Variants in ZC3H13 observed in about 807,000 individuals in gnomAD.
ZC3H13 encodes the protein zinc finger CCCH-type containing 13.
ZC3H13 carries 64 observed loss-of-function variants against 204.1 expected under a neutral mutation model. The observed-to-expected ratio is 0.31, with a 90% CI of 0.26 to 0.39. The LOEUF (loss-of-function observed/expected upper bound fraction) is 0.39, where lower values mean the gene tolerates loss of function less well. Among genes scored for constraint, ZC3H13 ranks in the 10% least tolerant of loss-of-function variants. ZC3H13 has a pLI of 1.00. For synonymous variants in ZC3H13, 667 were observed against 693.7 expected (o/e 0.96, Z 0.60); for missense variants, 1,833 against 2,082.7 (o/e 0.88, Z 2.33).
chr13:45,984,103 GA>G (rs1953954724), intron 10 of ZC3H13, among the ~76,000 whole-genome samples: 1 of 152,188 alleles, frequency 6.6e-6, no homozygotes, highest in Non-Finnish European at 1.5e-5. Flanking sequence ...ACCAAAAGAA[GA>G]AAATAGCTGT....
intron 4 of ZC3H13, among the ~76,000 whole-genome samples, chr13:46,035,793 T>C (rs2043173563): frequency 6.6e-6 from 1 of 152,214 alleles, no homozygotes; most frequent in Non-Finnish European, 1.5e-5. Context: ...GGCAGGTACA[T>C]CTATCCTACA....
chr13:45,956,151 T>A lies in ZC3H13; in HGVS notation c.*976A>T, dbSNP rs559318939. 6.4e-4 allele frequency: 97 copies of A among 152,302 alleles called. No homozygotes were observed. Among genetic ancestry groups the A allele is most frequent in the African/African-American group, 2.0e-3 (85 of 41,588 alleles). 9.4% of individuals were successfully genotyped at this position (152,302 alleles called of 1,614,324 possible). ...TAGTACAGCTGGAGGCAGTTTAATATAATCAAAAGTTATAGCTCTAAAAAA... is the reference window on the plus strand; with the variant it reads ...TAGTACAGCTGGAGGCAGTTTAATAAAATCAAAAGTTATAGCTCTAAAAAA... On this transcript the variant is annotated 3_prime_UTR_variant, in exon 19 of 19. Coordinates refer to ENST00000679008, the MANE Select transcript of ZC3H13 (RefSeq NM_001330564.2).
intron 17 of ZC3H13, chr13:45,963,086 C>T: frequency 2.0e-6 from 2 of 981,592 alleles, no homozygotes; most frequent in Non-Finnish European, 2.4e-6. Context: ...AAGTGTTTTG[C>T]CTGTAATAAC....
chr13:46,010,720 A>G (rs1464812069), intron 6 of ZC3H13, among the ~76,000 whole-genome samples: 1 of 151,768 alleles, frequency 6.6e-6, no homozygotes, highest in Non-Finnish European at 1.5e-5. Flanking sequence ...ACATAAAAAA[A>G]ACCCTATCTC....
chr13:45,962,169 C>A, intron 17 of ZC3H13: 1 of 985,226 alleles, frequency 1.0e-6, no homozygotes, highest in Non-Finnish European at 1.2e-6. Context: ...GATAATTAGA[C>A]CTTGGATATG....
chr13:45,956,162 T>TA lies in ZC3H13; in HGVS notation c.*964dup, dbSNP rs1182969706. The stretch of plus-strand genomic sequence containing the variant: ...GAGGCAGTTTAATATAATCAAAAGT[T>TA]ATAGCTCTAAAAAATATGATAGTAG... On this transcript the variant is annotated 3_prime_UTR_variant, in exon 19 of 19. Transcript: ENST00000679008. 3.9e-5 allele frequency: 6 copies of TA among 152,298 alleles called. No individual in the cohort carries two copies. The highest frequency in any genetic ancestry group is 3.9e-4 in the Admixed American group (6 of 15,290). The allele number at this position is 152,298 out of a possible 1,614,324, so 9.4% of individuals were successfully genotyped here. A position where few individuals can be genotyped will look rare whatever the true frequency, so the allele number is the denominator to read the frequency against.
intron 4 of ZC3H13, among the ~76,000 whole-genome samples, chr13:46,040,437 T>G (rs749586027): frequency 3.3e-5 from 5 of 152,094 alleles, no homozygotes; most frequent in East Asian, 3.8e-4. Context: ...AAATAAAAAT[T>G]AGCTCAAAAT....
At chr13:45,993,676 T>C (rs1167023512) in intron 8 of ZC3H13, among the ~76,000 whole-genome samples, 2 of 152,166 alleles carry the variant, frequency 1.3e-5, no homozygotes, top group Admixed American at 6.5e-5. Flanking sequence ...TAAATAAACC[T>C]GTAAGATGAA....
intron 15 of ZC3H13, among the ~76,000 whole-genome samples, chr13:45,967,092 T>C (rs1952153793): frequency 6.6e-6 from 1 of 152,194 alleles, no homozygotes; most frequent in Non-Finnish European, 1.5e-5. Flanking sequence ...GTTTCATATA[T>C]TTGTTCTCAA....
intron 17 of ZC3H13, chr13:45,963,265 C>T: frequency 1.0e-6 from 1 of 985,960 alleles, no homozygotes; most frequent in Non-Finnish European, 1.2e-6. Flanking sequence ...AAAGACTCAA[C>T]CTACACACCT....
chr13:45,957,389 T>A, intron 18 of ZC3H13, 92 bp from the exon 19 acceptor site: 8 of 1,139,150 alleles, frequency 7.0e-6, no homozygotes, highest in Non-Finnish European at 9.1e-6. Context: ...AATATCAAAG[T>A]TATAAGAGTA....
intron 12 of ZC3H13, among the ~76,000 whole-genome samples, chr13:45,971,164 T>A (rs1438517061): frequency 6.6e-6 from 1 of 152,250 alleles, no homozygotes; most frequent in Non-Finnish European, 1.5e-5. Flanking sequence ...ACGTTCATTA[T>A]ATTTTTTGTT....
rs541767745 is a variant in ZC3H13 at position 45,957,584 on chromosome 13, A to G, written c.4840-287T>C. Among the ~76,000 whole-genome samples the G allele has an allele frequency of 5.9e-5, 9 of 152,304 alleles. No homozygotes were observed. The East Asian group carries it at 7.7e-4, about 13-fold the overall frequency. On this transcript the variant is annotated intron_variant, in intron 18 of 18. Transcript: ENST00000679008. ...ACCGGTTTTTACTTTATCATTTCCA[A>G]TGACAAAACAAACAAAAAACACACT...
chr13:45,975,779 C>T lies in ZC3H13; in HGVS notation c.1972G>A (p.Glu658Lys). The T allele has an allele frequency of 1.2e-6, 2 of 1,613,986 alleles. No individual in the cohort carries two copies. The highest frequency in any genetic ancestry group is 1.1e-5 in the South Asian group (1 of 91,070). Reference sequence around the variant, plus strand: ...TCTACTCTTCGTTCCTCTCTTCTTTCATCACGCTCAAGCTCGTCATTCCTT... The same window carrying T: ...TCTACTCTTCGTTCCTCTCTTCTTTTATCACGCTCAAGCTCGTCATTCCTT... ...QGRNDELERDERREERRVDRV... is the reference protein window; with the variant it reads ...QGRNDELERDKRREERRVDRV... The change falls in exon 12 of 19, where the codon GAA becomes AAA. Residue 658 changes from glutamate to lysine, a missense_variant. Coordinates refer to ENST00000679008, the MANE Select transcript of ZC3H13 (RefSeq NM_001330564.2).
rs184904574 is a variant in ZC3H13, at chr13:45,970,412, C to T, written c.2522G>A (p.Arg841Gln). 3.0e-5 allele frequency: 49 copies of T among 1,613,928 alleles called. No homozygotes were observed. The highest frequency in any genetic ancestry group is 4.5e-5 in the East Asian group (2 of 44,870). The change falls in exon 13 of 19, where the codon CGG (arginine) becomes CAG (glutamine). Residue 841 changes from arginine to glutamine, a missense_variant. Physicochemically the swap from Arg to Gln is conservative, Grantham distance 43. Around this residue, in one of 5 missense-constraint regions of ZC3H13, gnomAD observed 1,574 missense variants for 1,757.2 expected, o/e 0.90. Transcript: ENST00000679008. ...SPSPRQSPKR[R>Q]REHSPDSDAY... Reference sequence around the variant, plus strand: ...ATCACTGTCCGGAGAATGTTCACGCCGGCGCTTCGGGGACTGTCTAGGGCT... The same window carrying T: ...ATCACTGTCCGGAGAATGTTCACGCTGGCGCTTCGGGGACTGTCTAGGGCT...
intron 7 of ZC3H13, among the ~76,000 whole-genome samples, chr13:46,005,263 T>C (rs1298190542): frequency 6.6e-6 from 1 of 152,220 alleles, no homozygotes; most frequent in Non-Finnish European, 1.5e-5. Flanking sequence ...ACTCAATTTC[T>C]TCTATTTTCA....
intron 17 of ZC3H13, chr13:45,963,160 C>T: frequency 1.2e-5 from 12 of 966,444 alleles, no homozygotes; most frequent in Non-Finnish European, 1.5e-5. Flanking sequence ...CAGATGATGA[C>T]ACTAACACAC....
chr13:45,975,424 C>A lies in ZC3H13; in HGVS notation c.2327G>T (p.Arg776Ile). Residue 776 changes from arginine to isoleucine, a missense_variant, in exon 12 of 19, where the codon AGA becomes ATA. Arg to Ile is a moderately conservative substitution (Grantham distance 97). Transcript: ENST00000679008. ...TCGTTCTTTATCCCTTTCTCTCGCT[C>A]TTTCTCGTTCCCGTTCTCGCTCTCG... ...RERERERERE[R>I]ARERDKERER... The A allele has an allele frequency of 6.2e-7, 1 of 1,614,022 alleles. No individual in the cohort carries two copies. The highest frequency in any genetic ancestry group is 8.5e-7 in the Non-Finnish European group (1 of 1,179,994).
At chr13:45,960,941 C>G (rs889838406) in intron 17 of ZC3H13, among the ~76,000 whole-genome samples, 3 of 152,146 alleles carry the variant, frequency 2.0e-5, no homozygotes, top group Non-Finnish European at 4.4e-5. Context: ...AAATAACACA[C>G]CTAGTCAATA....
Sources: allele counts gnomAD v4.1 joint callset (sites outside exome capture counted in the v4.1 genomes callset), GRCh38; gene constraint gnomAD v4.1.1; regional missense constraint gnomAD v4.1.1; transcripts MANE v1.5; gene names NCBI Gene and HGNC (gene_info 2026-07-23, HGNC 2026-07-21).